Variants in ZNF226 observed in about 807,000 individuals in gnomAD.
The protein encoded by ZNF226 is Kruppel-associated box protein.
A neutral mutation model predicts 11.4 loss-of-function variants in ZNF226; 6 were observed. That is an observed-to-expected ratio of 0.53 (90% confidence interval 0.29 to 1.04). ZNF226 has a LOEUF of 1.04. Ranked by LOEUF, ZNF226 falls within the 50% of genes least tolerant of loss-of-function variation. ZNF226 has a pLI of 0.08. For missense variants in ZNF226, 1,058 were observed against 956.5 expected (o/e 1.11, Z -1.40); for synonymous variants, 350 against 322.8 (o/e 1.08, Z -0.90).
At chr19:44,184,231 A>G in the ZNF226 span, among the ~76,000 whole-genome samples, 1 of 152,208 alleles carries the variant, frequency 6.6e-6, no homozygotes, top group Admixed American at 6.5e-5. Context: ...TACAATAGAC[A>G]TTTTGGTTAG....
the ZNF226 span, among the ~76,000 whole-genome samples, chr19:44,191,470 T>C: frequency 2.6e-5 from 4 of 152,322 alleles, no homozygotes; most frequent in Non-Finnish European, 4.4e-5. Flanking sequence ...AGCATCACTT[T>C]ATTATTTGAC....
chr19:44,185,610 TG>T, the ZNF226 span, among the ~76,000 whole-genome samples: 13 of 150,906 alleles, frequency 8.6e-5, no homozygotes, highest in South Asian at 2.1e-4. Flanking sequence ...GGGGTTTTTT[TG>T]TTGTTGTTGT....
the ZNF226 span, among the ~76,000 whole-genome samples, chr19:44,193,635 C>T: frequency 6.6e-6 from 1 of 152,046 alleles, no homozygotes. Flanking sequence ...GAAAAATAAA[C>T]TTCCAAGAAT....
chr19:44,166,096 C>T (rs3803932), intron 2 of ZNF226, among the ~76,000 whole-genome samples: 21,117 of 152,190 alleles, frequency 0.14, 3,725 homozygotes, highest in African/African-American at 0.4. Flanking sequence ...AGACCTGAGT[C>T]TTCTTTGGTA....
chr19:44,199,016 G>A, the ZNF226 span, among the ~76,000 whole-genome samples: 2 of 151,628 alleles, frequency 1.3e-5, no homozygotes, highest in Non-Finnish European at 2.9e-5. Context: ...TTGGCCAGGT[G>A]GGTCTTGAAC....
Position 44,170,089 on chromosome 19 carries a change from G to C in ZNF226, c.9G>C (p.Met3Ile). The change falls in exon 3 of 6, where the codon ATG (methionine) becomes ATC (isoleucine). Residue 3 changes from methionine to isoleucine, a missense_variant. Physicochemically the swap from Met to Ile is conservative, Grantham distance 10 (BLOSUM62 1). Coordinates refer to ENST00000337433, the MANE Select transcript of ZNF226 (RefSeq NM_001032373.2). MN[M>I]FKEAVTFKDV... Reference sequence around the variant, plus strand: ...AGAAGGAAGAATTAAAAATGAATATGTTCAAGGTGAGTAGAGCTTGCCTTT... The same window carrying C: ...AGAAGGAAGAATTAAAAATGAATATCTTCAAGGTGAGTAGAGCTTGCCTTT... 1 of 1,612,504 alleles carries C rather than the reference G, an allele frequency of 6.2e-7. No individual in the cohort carries two copies. Among genetic ancestry groups the C allele is most frequent in the Non-Finnish European group, 8.5e-7 (1 of 1,179,118 alleles).
chr19:44,181,930 T>C (rs1443447460), downstream of ZNF226, among the ~76,000 whole-genome samples: 1 of 152,174 alleles, frequency 6.6e-6, no homozygotes, highest in Non-Finnish European at 1.5e-5. Context: ...CATGAGGAGA[T>C]ACATCGCCAA....
chr19:44,168,539 A>G (rs566000015), intron 2 of ZNF226, among the ~76,000 whole-genome samples: 79 of 152,186 alleles, frequency 5.2e-4, no homozygotes, highest in African/African-American at 1.7e-3. Flanking sequence ...CTCAGACTTT[A>G]TTTCTTTTTT....
At chr19:44,175,284 G>A in intron 5 of ZNF226, 1 of 1,405,772 alleles carries the variant, frequency 7.1e-7, no homozygotes, top group Non-Finnish European at 9.2e-7. Context: ...GGTTTCATTA[G>A]TGCTTAGCAA....
At chr19:44,168,998 CTTTT>C (rs34967576) in intron 2 of ZNF226, among the ~76,000 whole-genome samples, 57 of 90,776 alleles carry the variant, frequency 6.3e-4, no homozygotes, top group African/African-American at 3.1e-3. Context: ...CTCCCTTTTC[CTTTT>C]TTTTTTTTTT....
the ZNF226 span, among the ~76,000 whole-genome samples, chr19:44,190,260 GTTTA>G: frequency 1.3e-4 from 20 of 152,082 alleles, no homozygotes; most frequent in East Asian, 3.9e-4. Context: ...GTTTTTTAAA[GTTTA>G]TTTATTACTT....
At chr19:44,199,385 G>T in the ZNF226 span, among the ~76,000 whole-genome samples, 1 of 151,910 alleles carries the variant, frequency 6.6e-6, no homozygotes, top group Non-Finnish European at 1.5e-5. Flanking sequence ...TTTGTTCCCT[G>T]GGCTGCCTTT....
chr19:44,196,578 A>G, the ZNF226 span, among the ~76,000 whole-genome samples: 1 of 152,320 alleles, frequency 6.6e-6, no homozygotes, highest in African/African-American at 2.4e-5. Flanking sequence ...GGAAAAGACA[A>G]TTACTCTAGA....
the ZNF226 span, among the ~76,000 whole-genome samples, chr19:44,186,450 G>C: frequency 4.6e-5 from 7 of 151,940 alleles, no homozygotes; most frequent in Non-Finnish European, 2.9e-5. Flanking sequence ...TCTTTCCTCA[G>C]TATTTTACCC....
At position 44,176,438 on chromosome 19, in the gene ZNF226, A is replaced by G. The variant is rs1219726957; in HGVS notation, c.1176A>G (p.Lys392=). 2 of 1,613,990 alleles carry G rather than the reference A, an allele frequency of 1.2e-6. No individual in the cohort carries two copies. The highest frequency in any genetic ancestry group is 3.3e-5 in the Admixed American group (2 of 59,996). Residue 392 remains lysine, a synonymous_variant, in exon 6 of 6, where the codon AAA becomes AAG. Coordinates refer to ENST00000337433, the MANE Select transcript of ZNF226 (RefSeq NM_001032373.2). ...QRLHTGEKPF[K]CDACGKSFSR... ...TCCACACTGGGGAGAAGCCATTCAA[A>G]TGTGATGCATGTGGTAAGAGCTTCA...
intron 2 of ZNF226, among the ~76,000 whole-genome samples, chr19:44,168,723 G>A (rs1418393688): frequency 1.3e-5 from 2 of 152,044 alleles, no homozygotes. Context: ...TTGGTTTGTG[G>A]GTTTGTCCCA....
intron 5 of ZNF226, chr19:44,173,350 A>G (rs1299619524): frequency 1.4e-5 from 4 of 282,546 alleles, no homozygotes; most frequent in African/African-American, 6.5e-5. Flanking sequence ...AGACCTATCA[A>G]GGATGCTTCT....
At chr19:44,166,514 G>GT (rs1440846335) in intron 2 of ZNF226, among the ~76,000 whole-genome samples, 1 of 151,954 alleles carries the variant, frequency 6.6e-6, no homozygotes, top group Non-Finnish European at 1.5e-5. Flanking sequence ...AAAGAAAAGA[G>GT]TTTTTAAAAA....
the ZNF226 span, among the ~76,000 whole-genome samples, chr19:44,189,491 A>G: frequency 6.6e-6 from 1 of 152,228 alleles, no homozygotes; most frequent in East Asian, 1.9e-4. Flanking sequence ...GATAATATAG[A>G]AAAATTTTGT....
Sources: gnomAD v4.1 joint callset for allele counts (sites outside exome capture counted in the v4.1 genomes callset) on GRCh38, gnomAD v4.1.1 for gene constraint, MANE v1.5 for transcripts, NCBI Gene and HGNC (gene_info 2026-07-23, HGNC 2026-07-21) for gene names.